The following ZNF385D variants were observed in gnomAD, a reference collection of about 807,000 sequenced individuals.
ZNF385D encodes zinc finger protein 659.
Under a neutral mutation model 35.8 loss-of-function variants are expected in ZNF385D, and 15 were observed. The observed-to-expected ratio is 0.42, with a 90% CI of 0.28 to 0.64. The LOEUF (loss-of-function observed/expected upper bound fraction) is 0.64, where lower values mean the gene tolerates loss of function less well. Ranked by LOEUF, ZNF385D falls within the 30% of genes least tolerant of loss-of-function variation. ZNF385D has a pLI of 0.23. For missense variants in ZNF385D, 474 were observed against 494.6 expected, an observed-to-expected ratio of 0.96 and a Z score of 0.39; for synonymous variants, 212 against 186.8, an observed-to-expected ratio of 1.13 and a Z score of -1.10.
At chr3:21,916,508 T>C (rs1418741273) in intron 3 of ZNF385D, among the ~76,000 whole-genome samples, 1 of 152,210 alleles carries the variant, frequency 6.6e-6, no homozygotes, top group Non-Finnish European at 1.5e-5. Context: ...AATCCACATA[T>C]TTCTATACCC....
At chr3:21,476,905 CCT>C (rs1704283753) in intron 4 of ZNF385D, among the ~76,000 whole-genome samples, 1 of 151,794 alleles carries the variant, frequency 6.6e-6, no homozygotes, top group Non-Finnish European at 1.5e-5. Context: ...TATCCATACC[CCT>C]CTCTGTGTTT....
rs146686917 is a variant in ZNF385D at position 22,057,698 on chromosome 3, G to C, written c.325+111119C>G. ...CCGGCTAATTTTCTTATTTTTCCTAGAGATGGGGTTTCACCATGTTGGTCA... is the reference window on the plus strand; with the variant it reads ...CCGGCTAATTTTCTTATTTTTCCTACAGATGGGGTTTCACCATGTTGGTCA... On this transcript the variant is annotated intron_variant, in intron 3 of 5. Coordinates refer to the ZNF385D transcript ENST00000494108. 5.9e-5 allele frequency among the ~76,000 whole-genome samples: 9 copies of C among 152,070 alleles called. No individual in the cohort carries two copies. The East Asian group carries it at 1.7e-3, about 30-fold the overall frequency.
chr3:21,968,385 G>A (rs1703032387), intron 3 of ZNF385D, among the ~76,000 whole-genome samples: 1 of 152,102 alleles, frequency 6.6e-6, no homozygotes, highest in Non-Finnish European at 1.5e-5. Flanking sequence ...GCTGTGTTCA[G>A]AGCCAGTGGA....
intron 2 of ZNF385D, among the ~76,000 whole-genome samples, chr3:22,205,919 T>C (rs1008411318): frequency 1.3e-5 from 2 of 151,978 alleles, no homozygotes; most frequent in Non-Finnish European, 1.5e-5. Flanking sequence ...AGTAATAGCA[T>C]TGAATGTAAA....
chr3:21,769,274 G>A (rs1272334897), intron 3 of ZNF385D, among the ~76,000 whole-genome samples: 26 of 112,800 alleles, frequency 2.3e-4, no homozygotes, highest in African/African-American at 9.6e-4. Flanking sequence ...TATTCAATTA[G>A]GAAAAGAGGA....
chr3:21,457,109 CA>C (rs1298916676), intron 4 of ZNF385D, among the ~76,000 whole-genome samples: 1 of 152,048 alleles, frequency 6.6e-6, no homozygotes, highest in East Asian at 1.9e-4. Context: ...GTTACCAAAA[CA>C]TAATAGATTC....
At chr3:21,561,405 C>G (rs939460336) in intron 3 of ZNF385D, among the ~76,000 whole-genome samples, 6 of 152,162 alleles carry the variant, frequency 3.9e-5, no homozygotes, top group Admixed American at 3.3e-4. Context: ...AGAGGGAGCT[C>G]CCCAACCCCT....
chr3:21,641,516 T>C (rs1454927673), intron 2 of ZNF385D, among the ~76,000 whole-genome samples: 1 of 152,008 alleles, frequency 6.6e-6, no homozygotes, highest in African/African-American at 2.4e-5. Flanking sequence ...CTCAGGCTGC[T>C]TTTTCTTGTT....
Position 21,508,155 on chromosome 3 carries a change from T to A in ZNF385D, c.439+2706A>T, listed in dbSNP as rs138907109. On this transcript the variant is annotated intron_variant, in intron 4 of 7. Transcript: ENST00000281523. Reference sequence around the variant, plus strand: ...AGACTTTACTATCTCTTCTGCCCTTTTGAAATTTTCTCTAGCTCCAGCTTG... The same window carrying A: ...AGACTTTACTATCTCTTCTGCCCTTATGAAATTTTCTCTAGCTCCAGCTTG... Among the ~76,000 whole-genome samples, 295 of 152,288 alleles carry A rather than the reference T, an allele frequency of 1.9e-3. 1 individual carries two copies. Among genetic ancestry groups the A allele is most frequent in the African/African-American group, 6.8e-3 (284 of 41,572 alleles).
At chr3:21,814,392 G>A (rs2073059392) in intron 3 of ZNF385D, among the ~76,000 whole-genome samples, 1 of 151,768 alleles carries the variant, frequency 6.6e-6, no homozygotes, top group African/African-American at 2.4e-5. Context: ...CCAATTAAAA[G>A]ACACAGACTG....
At chr3:22,199,928 C>T (rs567337626) in intron 2 of ZNF385D, among the ~76,000 whole-genome samples, 115 of 152,040 alleles carry the variant, frequency 7.6e-4, no homozygotes, top group African/African-American at 2.7e-3. Flanking sequence ...ATTATGAATG[C>T]TTATTATATT....
At chr3:22,094,882 T>C (rs931744177) in intron 3 of ZNF385D, among the ~76,000 whole-genome samples, 13 of 152,084 alleles carry the variant, frequency 8.5e-5, no homozygotes, top group African/African-American at 2.7e-4. Flanking sequence ...GATATTATCC[T>C]TTTTCCTTTC....
intron 3 of ZNF385D, among the ~76,000 whole-genome samples, chr3:21,804,543 C>A (rs2072549085): frequency 6.6e-6 from 1 of 152,118 alleles, no homozygotes; most frequent in Non-Finnish European, 1.5e-5. Flanking sequence ...TCAAGCCTTG[C>A]CTAAGGAGAA....
chr3:21,621,035 T>A (rs926184826), intron 2 of ZNF385D, among the ~76,000 whole-genome samples: 3 of 151,948 alleles, frequency 2.0e-5, no homozygotes, highest in African/African-American at 7.2e-5. Flanking sequence ...AAGCAGGAAA[T>A]ACCTGGTTAA....
At chr3:21,437,660 T>C (rs1380547952) in intron 4 of ZNF385D, among the ~76,000 whole-genome samples, 1 of 104,872 alleles carries the variant, frequency 9.5e-6, no homozygotes, top group Non-Finnish European at 1.8e-5. Context: ...TTTCTTTTTT[T>C]AATTAAAAAA....
intron 3 of ZNF385D, among the ~76,000 whole-genome samples, chr3:22,100,653 G>C (rs1223676743): frequency 1.4e-5 from 2 of 141,134 alleles, no homozygotes; most frequent in Non-Finnish European, 3.0e-5. Context: ...ATGGACACAG[G>C]AAGGGGAACA....
chr3:21,708,991 T>C (rs2068004714), intron 1 of ZNF385D, among the ~76,000 whole-genome samples: 3 of 152,114 alleles, frequency 2.0e-5, no homozygotes, highest in Admixed American at 1.3e-4. Context: ...GCTTCCATGG[T>C]AGAAGAAGCC....
chr3:21,913,253 G>A (rs777982471), intron 3 of ZNF385D, among the ~76,000 whole-genome samples: 3 of 152,244 alleles, frequency 2.0e-5, no homozygotes, highest in Non-Finnish European at 2.9e-5. Context: ...GTGCTGCAAT[G>A]CGTGTTAACT....
intron 3 of ZNF385D, among the ~76,000 whole-genome samples, chr3:21,540,014 G>A (rs2062133801): frequency 6.6e-6 from 1 of 152,056 alleles, no homozygotes; most frequent in Non-Finnish European, 1.5e-5. Context: ...CCTAACTTAA[G>A]AGACCATTAA....
Sources: allele counts gnomAD v4.1 joint callset (sites outside exome capture counted in the v4.1 genomes callset), GRCh38; gene constraint gnomAD v4.1.1; transcripts MANE v1.5; gene names NCBI Gene and HGNC (gene_info 2026-07-23, HGNC 2026-07-21).